The following SPMAP2 variants were observed in gnomAD, a reference collection of about 807,000 sequenced individuals.
The protein encoded by SPMAP2 is Theg homolog.
the SPMAP2 span, among the ~76,000 whole-genome samples, chr19:363,209 T>C: frequency 6.6e-6 from 1 of 152,242 alleles, no homozygotes; most frequent in Non-Finnish European, 1.5e-5. Context: ...TTTATTTAGT[T>C]TGATACAGAG....
chr19:374,703 A>G, the SPMAP2 span: 1 of 488,210 alleles, frequency 2.0e-6, no homozygotes, highest in East Asian at 3.6e-5. Flanking sequence ...ACCAGCTCCC[A>G]CCTGGCGGGG....
chr19:366,433 A>G, the SPMAP2 span, among the ~76,000 whole-genome samples: 1 of 152,142 alleles, frequency 6.6e-6, no homozygotes, highest in Non-Finnish European at 1.5e-5. Context: ...GGACGGTGTA[A>G]GGCAGTGCTG....
chr19:373,854 G>A, the SPMAP2 span: 11 of 1,250,818 alleles, frequency 8.8e-6, 1 homozygote, highest in South Asian at 1.4e-4. Context: ...CCTGGAGAGA[G>A]GAGGGTGGCT....
At chr19:371,373 T>A in the SPMAP2 span, 1 of 512,982 alleles carries the variant, frequency 1.9e-6, no homozygotes, top group South Asian at 4.6e-5. Context: ...GGTGGGGGTG[T>A]GTGTGTGTGT....
chr19:363,775 C>A, the SPMAP2 span, among the ~76,000 whole-genome samples: 2 of 150,946 alleles, frequency 1.3e-5, no homozygotes. Flanking sequence ...CTTCAGGCAA[C>A]CTGCCCGCCT....
the SPMAP2 span, chr19:371,362 G>A: frequency 2.0e-6 from 2 of 1,000,880 alleles, no homozygotes; most frequent in Admixed American, 2.8e-5. Context: ...GCTCGGCCGG[G>A]GGTGGGGGTG....
chr19:362,317 C>G, the SPMAP2 span: 34 of 1,609,980 alleles, frequency 2.1e-5, no homozygotes, highest in East Asian at 4.9e-4. Context: ...GCACTTTGGG[C>G]TTGGCCAGGG....
chr19:367,232 G>A, the SPMAP2 span: 30 of 1,586,574 alleles, frequency 1.9e-5, no homozygotes, highest in South Asian at 3.3e-4. Flanking sequence ...CACCTGGAAA[G>A]AGAAATAGAG....
At chr19:372,628 C>A in the SPMAP2 span, 23 of 1,613,912 alleles carry the variant, frequency 1.4e-5, no homozygotes, top group African/African-American at 2.3e-4. Flanking sequence ...CTCCTTCCCC[C>A]ACCTGTTGTT....
At chr19:366,362 G>A in the SPMAP2 span, among the ~76,000 whole-genome samples, 888 of 152,232 alleles carry the variant, frequency 5.8e-3, 17 homozygotes, top group Non-Finnish European at 6.1e-3. Context: ...GAGTGCGTGC[G>A]TGTACCAGTG....
chr19:366,745 C>T, the SPMAP2 span, among the ~76,000 whole-genome samples: 4 of 152,286 alleles, frequency 2.6e-5, no homozygotes, highest in East Asian at 1.9e-4. Context: ...TTACCCTTGT[C>T]GTTGAGGAAA....
At chr19:368,644 G>A in the SPMAP2 span, among the ~76,000 whole-genome samples, 2 of 152,204 alleles carry the variant, frequency 1.3e-5, no homozygotes, top group African/African-American at 2.4e-5. This position sits in a 1 kb window ranked among gnomAD's most constrained non-coding sequence, Gnocchi z 4.1. Context: ...CCTGCGTGGA[G>A]GCAGAGGATG....
chr19:368,376 C>T, the SPMAP2 span, among the ~76,000 whole-genome samples: 13 of 152,090 alleles, frequency 8.5e-5, no homozygotes, highest in East Asian at 1.4e-3. The surrounding 1 kb of genome is among the most constrained non-coding windows in gnomAD (Gnocchi z 4.1). Flanking sequence ...TGTAGGAGTC[C>T]GCCTGCAAAA....
the SPMAP2 span, among the ~76,000 whole-genome samples, chr19:373,042 C>T: frequency 6.6e-6 from 1 of 152,162 alleles, no homozygotes; most frequent in Admixed American, 6.5e-5. Context: ...GAAGTTAGTA[C>T]AAGCCTGGGG....
chr19:371,066 A>C, the SPMAP2 span: 3 of 515,198 alleles, frequency 5.8e-6, no homozygotes, highest in East Asian at 9.3e-5. Context: ...GATCAAAAGA[A>C]AGCTGCTCCC....
chr19:364,364 A>G, the SPMAP2 span, among the ~76,000 whole-genome samples: 1 of 151,494 alleles, frequency 6.6e-6, no homozygotes, highest in Non-Finnish European at 1.5e-5. Flanking sequence ...AAAGAAAGAA[A>G]AAAAAAGAAA....
the SPMAP2 span, chr19:374,144 T>A: frequency 6.8e-7 from 1 of 1,464,398 alleles, no homozygotes; most frequent in Non-Finnish European, 9.4e-7. Flanking sequence ...TCTGGCCACC[T>A]CCTTAACTGG....
At chr19:371,153 G>A in the SPMAP2 span, 109 of 1,117,352 alleles carry the variant, frequency 9.8e-5, 1 homozygote, top group African/African-American at 1.2e-3. Flanking sequence ...ACTCTCTGCC[G>A]GGTCCCAGCC....
chr19:368,638 C>T, the SPMAP2 span, among the ~76,000 whole-genome samples: 706 of 152,312 alleles, frequency 4.6e-3, 3 homozygotes, highest in Admixed American at 7.4e-3. The surrounding 1 kb of genome is among the most constrained non-coding windows in gnomAD (Gnocchi z 4.1). Context: ...CTAGAGCCTG[C>T]GTGGAGGCAG....
Sources: allele counts gnomAD v4.1 joint callset (sites outside exome capture counted in the v4.1 genomes callset), GRCh38; gene constraint gnomAD v4.1.1; non-coding constraint Gnocchi (gnomAD v3.1); transcripts MANE v1.5; gene names NCBI Gene and HGNC (gene_info 2026-07-23, HGNC 2026-07-21).